UPP2: variants seen among roughly 807,000 people sequenced by gnomAD.
UPP2 encodes uridine phosphorylase 2.
A neutral mutation model predicts 26.7 loss-of-function variants in UPP2; 23 were observed. That is an observed-to-expected ratio of 0.86 (90% CI 0.62 to 1.22). The LOEUF is 1.22. UPP2 is among the 50% of genes most tolerant of loss of function. The pLI is 0.00. For missense variants in UPP2, 387 were observed against 396.7 expected (o/e 0.98, Z 0.21); for synonymous variants, 127 against 141.3 (o/e 0.90, Z 0.72).
In UPP2 at chr2:158,121,523, A is replaced by C; in HGVS notation, c.569A>C (p.Lys190Thr). The C allele has an allele frequency of 7.4e-6, 12 of 1,613,558 alleles. 1 individual carries two copies. Among genetic ancestry groups the C allele is most frequent in the Non-Finnish European group, 8.5e-6 (10 of 1,179,510 alleles). ...GTCACCCGAAGTACTGAACTGGACAAAGAACTGTCTGAAGAACTGTTCAAC... is the reference window on the plus strand; with the variant it reads ...GTCACCCGAAGTACTGAACTGGACACAGAACTGTCTGAAGAACTGTTCAAC... ...NIVTRSTELD[K>T]ELSEELFNCS... Residue 190 changes from lysine to threonine, a missense_variant, in exon 5 of 7, where the codon AAA becomes ACA. Transcript: ENST00000005756.
intron 1 of UPP2, among the ~76,000 whole-genome samples, chr2:158,104,817 C>T (rs113904339): frequency 2.0e-4 from 31 of 151,454 alleles, no homozygotes; most frequent in South Asian, 6.3e-4. Context: ...GGATACTCAG[C>T]AGGCTGAGGC....
intron 3 of UPP2, among the ~76,000 whole-genome samples, chr2:158,047,647 A>C (rs1223061221): frequency 1.3e-5 from 2 of 152,234 alleles, no homozygotes; most frequent in African/African-American, 4.8e-5. Flanking sequence ...CTTCATTATC[A>C]GTATCTGTAA....
intron 3 of UPP2, among the ~76,000 whole-genome samples, chr2:158,050,555 TAGG>T (rs67303665): frequency 0.6 from 90,547 of 151,580 alleles, 28,019 homozygotes; most frequent in Non-Finnish European, 0.69. Context: ...CCAAGCTACT[TAGG>T]AGGCTGAGGC....
At chr2:158,100,799 G>A (rs767557794), upstream of UPP2, among the ~76,000 whole-genome samples, 28 of 152,174 alleles carry the variant, frequency 1.8e-4, no homozygotes, top group Non-Finnish European at 3.7e-4. Flanking sequence ...TGGTAACAGT[G>A]GCAAGATTTA....
Position 158,020,529 on chromosome 2 carries a change from A to C in UPP2, c.147+4643A>C, listed in dbSNP as rs749145757. Among the ~76,000 whole-genome samples the C allele has an allele frequency of 3.2e-4, 48 of 152,230 alleles. 1 individual carries two copies. Among genetic ancestry groups the C allele is most frequent in the Non-Finnish European group, 6.0e-4 (41 of 68,040 alleles). On this transcript the variant is annotated intron_variant, in intron 3 of 9. Transcript: ENST00000605860. ...TCTCCTAGTTCCCCAGGATGCTCCC[A>C]AGCACACTCCAAATAGCCCACTGCT... is the stretch of plus-strand genomic sequence containing the variant.
intron 3 of UPP2, among the ~76,000 whole-genome samples, chr2:158,091,991 T>A (rs1156827796): frequency 6.6e-6 from 1 of 152,158 alleles, no homozygotes; most frequent in Non-Finnish European, 1.5e-5. Flanking sequence ...AGGACATTAC[T>A]GCAACTAACC....
intron 3 of UPP2, among the ~76,000 whole-genome samples, chr2:158,088,765 A>G (rs1178863416): frequency 6.6e-6 from 1 of 152,126 alleles, no homozygotes; most frequent in Non-Finnish European, 1.5e-5. Context: ...GGATCTAGCC[A>G]CCCATTGCAA....
At chr2:158,033,172 A>T (rs1208629062) in intron 3 of UPP2, among the ~76,000 whole-genome samples, 1 of 152,146 alleles carries the variant, frequency 6.6e-6, no homozygotes, top group East Asian at 1.9e-4. Context: ...GGGGGCCCCA[A>T]AGGTGGAGGA....
At chr2:158,003,755 C>A (rs758280) in intron 2 of UPP2, among the ~76,000 whole-genome samples, 97,206 of 150,518 alleles carry the variant, frequency 0.65, 32,471 homozygotes, top group South Asian at 0.78. Flanking sequence ...ACTCTGTGGC[C>A]TAGGAATGGA....
intron 3 of UPP2, among the ~76,000 whole-genome samples, chr2:158,043,074 A>G (rs550735212): frequency 1.3e-5 from 2 of 152,350 alleles, no homozygotes; most frequent in South Asian, 4.1e-4. Context: ...TCCCCTTGGG[A>G]AACCACCCTT....
At chr2:158,068,810 T>A (rs1184959711) in intron 3 of UPP2, among the ~76,000 whole-genome samples, 320 of 50,932 alleles carry the variant, frequency 6.3e-3, no homozygotes, top group East Asian at 0.023. Flanking sequence ...ATATTTTTTT[T>A]TTTTTTTTTT....
At chr2:158,112,427 A>G (rs1163632222) in intron 2 of UPP2, among the ~76,000 whole-genome samples, 4 of 152,182 alleles carry the variant, frequency 2.6e-5, no homozygotes, top group Non-Finnish European at 4.4e-5. Flanking sequence ...TTAGATCCCT[A>G]TCTCACACCA....
At chr2:158,086,340 T>A (rs1486319840) in intron 3 of UPP2, among the ~76,000 whole-genome samples, 1 of 152,264 alleles carries the variant, frequency 6.6e-6, no homozygotes, top group East Asian at 1.9e-4. Flanking sequence ...TTGTAGTATC[T>A]CCCATTTTGT....
chr2:158,023,501 G>T (rs1040477585), intron 3 of UPP2, among the ~76,000 whole-genome samples: 2 of 152,136 alleles, frequency 1.3e-5, no homozygotes, highest in African/African-American at 4.8e-5. Context: ...CTAAGTGATG[G>T]TTATCTGGCT....
chr2:158,123,639 C>T, intron 5 of UPP2, 110 bp from the exon 6 acceptor site: 2 of 1,316,520 alleles, frequency 1.5e-6, no homozygotes, highest in African/African-American at 1.5e-5. Context: ...GGGGAGCACG[C>T]TGTAGAGTTA....
chr2:158,121,732 TA>T (rs1683572695), intron 5 of UPP2, 114 bp downstream of exon 5: 4 of 996,778 alleles, frequency 4.0e-6, no homozygotes, highest in African/African-American at 3.3e-5. Context: ...ATTTGTGGGT[TA>T]AAAAGGAAAT....
intron 2 of UPP2, among the ~76,000 whole-genome samples, chr2:158,003,873 T>C (rs1044747617): frequency 2.3e-4 from 35 of 152,194 alleles, no homozygotes; most frequent in African/African-American, 7.2e-4. Context: ...TATGTGTATT[T>C]TGCATGTTGC....
chr2:158,096,459 C>T (rs1682986724), intron 3 of UPP2, among the ~76,000 whole-genome samples: 1 of 152,062 alleles, frequency 6.6e-6, no homozygotes, highest in Admixed American at 6.6e-5. Context: ...ATTAGCTGGG[C>T]ATGGTGGCAC....
intron 3 of UPP2, among the ~76,000 whole-genome samples, chr2:158,075,353 T>C (rs1682613969): frequency 1.3e-5 from 2 of 152,068 alleles, no homozygotes; most frequent in Non-Finnish European, 2.9e-5. Context: ...AAAATGTGAA[T>C]GTTTTAAGAG....
Sources: gnomAD v4.1 joint callset for allele counts (sites outside exome capture counted in the v4.1 genomes callset) on GRCh38, gnomAD v4.1.1 for gene constraint, MANE v1.5 for transcripts, NCBI Gene and HGNC (gene_info 2026-07-23, HGNC 2026-07-21) for gene names.